The following TDRD1 variants were observed in gnomAD, a reference collection of about 807,000 sequenced individuals.
TDRD1 encodes the protein tudor domain-containing protein 1.
TDRD1 carries 37 observed loss-of-function variants against 140.6 expected under a neutral mutation model. The ratio of observed to expected loss-of-function variants is 0.26; its 90% confidence interval spans 0.20 to 0.35. The LOEUF is 0.35. Ranked by LOEUF, TDRD1 falls within the 10% of genes least tolerant of loss-of-function variation. TDRD1 has a pLI of 1.00. For missense variants in TDRD1, 1,243 were observed against 1,393.0 expected (o/e 0.89, Z 1.71); for synonymous variants, 506 against 475.7 (o/e 1.06, Z -0.83).
At chr10:114,195,272 A>G (rs1375232928) in intron 3 of TDRD1, among the ~76,000 whole-genome samples, 1 of 152,164 alleles carries the variant, frequency 6.6e-6, no homozygotes, top group African/African-American at 2.4e-5. Flanking sequence ...ATGTGGTCTT[A>G]GTATACATTC....
At chr10:114,206,298 G>A (rs375588753) in exon 11 of TDRD1, 23 of 1,613,334 alleles carry the variant, frequency 1.4e-5, no homozygotes, top group Non-Finnish European at 1.9e-5. Flanking sequence ...AAACCCAGTG[G>A]ACAAGATTCT....
intron 3 of TDRD1, among the ~76,000 whole-genome samples, chr10:114,193,575 G>A (rs1446788143): frequency 6.6e-6 from 1 of 152,142 alleles, no homozygotes; most frequent in African/African-American, 2.4e-5. Context: ...GATTACAGGC[G>A]TGAGCCACCG....
intron 16 of TDRD1, among the ~76,000 whole-genome samples, chr10:114,217,121 A>T (rs1374864607): frequency 6.6e-6 from 1 of 152,140 alleles, no homozygotes; most frequent in Non-Finnish European, 1.5e-5. Flanking sequence ...TGTACTTTGT[A>T]TTTCTGTATG....
upstream of TDRD1, among the ~76,000 whole-genome samples, chr10:114,176,238 A>C (rs192382261): frequency 1.3e-4 from 20 of 152,242 alleles, no homozygotes; most frequent in Admixed American, 2.6e-4. This position sits in a 1 kb window ranked among gnomAD's most constrained non-coding sequence, Gnocchi z 4.2. Flanking sequence ...GAGAAGCACA[A>C]CACCACCTGT....
At chr10:114,196,515 A>G (rs1200986340) in intron 3 of TDRD1, among the ~76,000 whole-genome samples, 2 of 152,164 alleles carry the variant, frequency 1.3e-5, no homozygotes, top group Admixed American at 6.5e-5. Context: ...TGTCTTTTTA[A>G]AGATACCTTA....
At chr10:114,217,464 C>A in intron 16 of TDRD1, 81 bp from the exon 17 acceptor site, 1 of 707,542 alleles carries the variant, frequency 1.4e-6, no homozygotes. Flanking sequence ...ATAAAAATCA[C>A]GTTTTCTGAC....
rs1374256355 is a variant in TDRD1, at chr10:114,194,123, A to G, written c.384+3104A>G. Among the ~76,000 whole-genome samples the G allele has an allele frequency of 3.9e-5, 6 of 152,306 alleles. No individual in the cohort carries two copies. The South Asian group carries it at 6.2e-4, about 16-fold the overall frequency. On this transcript the variant is annotated intron_variant, in intron 3 of 25. Coordinates refer to ENST00000251864, the Ensembl canonical transcript of TDRD1. ...GTAATATTTTGATAAGGATTTTTAC[A>G]TAAGTTTTCAAGAGAGATTTTGGTC...
intron 16 of TDRD1, 36 bp downstream of exon 16, chr10:114,214,150 A>G (rs1019596455): frequency 6.3e-7 from 1 of 1,586,598 alleles, no homozygotes; most frequent in South Asian, 1.1e-5. Flanking sequence ...CTTTTTACAA[A>G]TACATTGGCA....
chr10:114,188,536 ATTTT>A (rs954790109), intron 2 of TDRD1, among the ~76,000 whole-genome samples: 1 of 152,168 alleles, frequency 6.6e-6, no homozygotes, highest in Non-Finnish European at 1.5e-5. Flanking sequence ...CACGTGATTT[ATTTT>A]ATCATTCCTT....
chr10:114,198,068 C>G (rs1313045956), intron 3 of TDRD1, among the ~76,000 whole-genome samples: 1 of 152,190 alleles, frequency 6.6e-6, no homozygotes, highest in African/African-American at 2.4e-5. Flanking sequence ...TACTCAGCCT[C>G]TGATATTCAA....
intron 1 of TDRD1, among the ~76,000 whole-genome samples, chr10:114,186,333 G>A (rs187262600): frequency 6.6e-6 from 1 of 152,098 alleles, no homozygotes; most frequent in Non-Finnish European, 1.5e-5. Flanking sequence ...GCACAATCTC[G>A]GCTCACTGCA....
In TDRD1 at chr10:114,196,833, C is replaced by CTTTTTTTTTTTTTTTT. The variant is rs36124319; in HGVS notation, c.385-2325_385-2310dup. On this transcript the variant is annotated intron_variant, in intron 3 of 25. Transcript: ENST00000251864. ...ACCAAATTTGGAAGTTTCTAGCAGT[C>CTTTTTTTTTTTTTTTT]TTTTTTTTTTTTTTTTTTTTTTTTT... 3.5e-4 allele frequency among the ~76,000 whole-genome samples: 17 copies of CTTTTTTTTTTTTTTTT among 48,326 alleles called. 4 individuals are homozygous for CTTTTTTTTTTTTTTTT. Among genetic ancestry groups the CTTTTTTTTTTTTTTTT allele is most frequent in the African/African-American group, 4.7e-4 (5 of 10,586 alleles). 31.7% of individuals were successfully genotyped at this position (48,326 alleles called of 152,430 possible).
At chr10:114,203,040 G>A in intron 6 of TDRD1, 32 bp from the exon 7 acceptor site, 1 of 1,444,298 alleles carries the variant, frequency 6.9e-7, no homozygotes, top group East Asian at 2.3e-5. Context: ...GTGCTTTTAA[G>A]TAACTCACTT....
intron 18 of TDRD1, 108 bp downstream of exon 18, chr10:114,218,692 T>G: frequency 1.3e-6 from 1 of 794,646 alleles, no homozygotes; most frequent in Non-Finnish European, 1.9e-6. Flanking sequence ...AGGATCCTGC[T>G]TCATATTATA....
chr10:114,190,856 G>T, intron 2 of TDRD1, 105 bp from the exon 3 acceptor site: 1 of 1,066,216 alleles, frequency 9.4e-7, no homozygotes, highest in Non-Finnish European at 1.4e-6. Flanking sequence ...AGGTCATTGT[G>T]GTATAGCCCT....
chr10:114,217,172 T>C (rs2035863759), intron 16 of TDRD1, among the ~76,000 whole-genome samples: 1 of 152,210 alleles, frequency 6.6e-6, no homozygotes, highest in Non-Finnish European at 1.5e-5. Flanking sequence ...TGACTTCTTA[T>C]ACATTACCTG....
At chr10:114,193,347 C>G (rs1455247134) in intron 3 of TDRD1, among the ~76,000 whole-genome samples, 1 of 136,258 alleles carries the variant, frequency 7.3e-6, no homozygotes, top group African/African-American at 2.8e-5. Flanking sequence ...GGCTGGACTG[C>G]AGGGCTGCTA....
At chr10:114,197,527 A>G (rs1395206704) in intron 3 of TDRD1, among the ~76,000 whole-genome samples, 1 of 148,502 alleles carries the variant, frequency 6.7e-6, no homozygotes, top group Non-Finnish European at 1.5e-5. Flanking sequence ...ATAAATGAAC[A>G]TTTTTGTCAT....
chr10:114,231,235 A>G (rs1469085506), intron 25 of TDRD1, among the ~76,000 whole-genome samples: 1 of 152,190 alleles, frequency 6.6e-6, no homozygotes, highest in Non-Finnish European at 1.5e-5. Context: ...TTAATGTCAG[A>G]TATCTTTTAT....
Sources: allele counts gnomAD v4.1 joint callset (sites outside exome capture counted in the v4.1 genomes callset), GRCh38; gene constraint gnomAD v4.1.1; non-coding constraint Gnocchi (gnomAD v3.1); transcripts MANE v1.5; gene names NCBI Gene and HGNC (gene_info 2026-07-23, HGNC 2026-07-21).